The following TMEM63B variants were observed in gnomAD, a reference collection of about 807,000 sequenced individuals.
TMEM63B encodes the protein mechanosensitive cation channel TMEM63B.
A neutral mutation model predicts 102.6 loss-of-function variants in TMEM63B; 23 were observed. The observed-to-expected ratio is 0.22, with a 90% CI of 0.16 to 0.32. The LOEUF (loss-of-function observed/expected upper bound fraction) is 0.32. TMEM63B is among the 10% of genes least tolerant of loss of function. The probability of loss-of-function intolerance (pLI) is 1.00; values close to 1 mark genes in which losing one functional copy is unlikely to be tolerated. For synonymous variants in TMEM63B, 444 were observed against 437.0 expected (o/e 1.02, Z -0.20); for missense variants, 628 against 1,095.9 (o/e 0.57, Z 6.03).
At chr6:44,149,248 A>T in intron 15 of TMEM63B, 1 of 471,048 alleles carries the variant, frequency 2.1e-6, no homozygotes, top group East Asian at 4.1e-5. Flanking sequence ...GAAAAAATGG[A>T]AAGGTTCAAC....
intron 15 of TMEM63B, among the ~76,000 whole-genome samples, chr6:44,149,600 A>G (rs1199863536): frequency 6.6e-6 from 1 of 152,214 alleles, no homozygotes; most frequent in African/African-American, 2.4e-5. Context: ...GTGAGGATTA[A>G]GACATGGCAA....
At chr6:44,144,177 A>T (rs1561813709) in intron 10 of TMEM63B, among the ~76,000 whole-genome samples, 1 of 152,224 alleles carries the variant, frequency 6.6e-6, no homozygotes, top group Non-Finnish European at 1.5e-5. Flanking sequence ...CACCTGCTAT[A>T]TACAAGCTGT....
Position 44,136,370 on chromosome 6 carries a change from G to C in TMEM63B, c.300G>C (p.Gly100=). ...CCAGTGTGGCTTCAGCTATGCACGG[G>C]GACAGCCATGACCGGTATGAGCGTC... ...EQEYVASAMH[G]DSHDRYERLT... is the part of the protein sequence containing the mutation. Residue 100 remains glycine, a synonymous_variant, in exon 5 of 24, where the codon GGG becomes GGC. Transcript: ENST00000323267. 1 of 1,614,094 alleles carries C rather than the reference G, an allele frequency of 6.2e-7. No individual in the cohort carries two copies. The highest frequency in any genetic ancestry group is 8.5e-7 in the Non-Finnish European group (1 of 1,179,996).
rs544505242 is a variant in TMEM63B, at chr6:44,154,940, G to C, written c.*57G>C. On this transcript the variant is annotated 3_prime_UTR_variant, in exon 24 of 24. Transcript: ENST00000323267. Reference sequence around the variant, plus strand: ...GCCCCACCCCACCCCCACTCCCACGGACACTAAAACGCTAATAATTTATTA... The same window carrying C: ...GCCCCACCCCACCCCCACTCCCACGCACACTAAAACGCTAATAATTTATTA... The C allele has an allele frequency of 6.3e-6, 9 of 1,425,126 alleles. No homozygotes were observed. The highest frequency in any genetic ancestry group is 7.5e-6 in the Non-Finnish European group (8 of 1,072,364). The allele number at this position is 1,425,126 out of a possible 1,614,324, so 88.3% of individuals were successfully genotyped here.
At chr6:44,130,792 C>T (rs1778117229) in intron 1 of TMEM63B, among the ~76,000 whole-genome samples, 1 of 149,770 alleles carries the variant, frequency 6.7e-6, no homozygotes, top group African/African-American at 2.5e-5. Context: ...TGCTCTCTTG[C>T]CCAGGCTGGA....
chr6:44,128,345 G>A (rs1777626574), intron 1 of TMEM63B, among the ~76,000 whole-genome samples: 1 of 152,206 alleles, frequency 6.6e-6, no homozygotes, highest in African/African-American at 2.4e-5. Context: ...TTCATGAGCC[G>A]CCCGGGCCTG....
Position 44,140,309 on chromosome 6 carries a change from C to T in TMEM63B, c.660C>T (p.Val220=). Residue 220 remains valine (V), a synonymous_variant, in exon 9 of 24, where the codon GTC becomes GTT. Transcript: ENST00000323267. Reference sequence around the variant, plus strand: ...CCTTCCTGTATCTGCTGCTCACCGTCTACAGCATGCGTAGACACACCTCCA... The same window carrying T: ...CCTTCCTGTATCTGCTGCTCACCGTTTACAGCATGCGTAGACACACCTCCA... ...SFAFLYLLLT[V]YSMRRHTSKM... The T allele has an allele frequency of 6.2e-7, 1 of 1,614,080 alleles. No individual in the cohort carries two copies. The highest frequency in any genetic ancestry group is 8.5e-7 in the Non-Finnish European group (1 of 1,179,984).
Position 44,146,916 on chromosome 6 carries a change from C to G in TMEM63B, c.852C>G (p.Leu284=). Residue 284 remains leucine (L), a synonymous_variant, in exon 11 of 24, where the codon CTC becomes CTG. Coordinates refer to ENST00000323267, the MANE Select transcript of TMEM63B (RefSeq NM_018426.3). Reference sequence around the variant, plus strand: ...ACAACGTGGCTCGCCTAATGTTCCTCGATGCAGAGAGGTAAGGGACTGGGG... The same window carrying G: ...ACAACGTGGCTCGCCTAATGTTCCTGGATGCAGAGAGGTAAGGGACTGGGG... The part of the protein sequence containing the change: ...PCYNVARLMF[L]DAERKKAERG... 1 of 1,613,990 alleles carries G rather than the reference C, an allele frequency of 6.2e-7. No individual in the cohort carries two copies.
Position 44,152,656 on chromosome 6 carries a change from G to C in TMEM63B, c.1900G>C (p.Val634Leu). The change falls in exon 20 of 24, where the codon GTC becomes CTC. Residue 634 changes from valine (V) to leucine (L), a missense_variant. Val to Leu is a conservative substitution (Grantham distance 32). This residue lies in a region of TMEM63B where 90 missense variants were observed against 136.7 expected (regional missense o/e 0.66). Transcript: ENST00000323267. The surrounding 1 kb of genome is among the most constrained non-coding windows in gnomAD (Gnocchi z 6.4). ...CTGGATGATGTGCGTCTTCACGGTG[G>C]TCATGACCTACAGTATCACCTGCCC... Reference protein sequence around the residue: ...YAWMMCVFTVVMTYSITCPII... With the variant: ...YAWMMCVFTVLMTYSITCPII... The C allele has an allele frequency of 6.2e-7, 1 of 1,608,188 alleles. No homozygotes were observed. Among genetic ancestry groups the C allele is most frequent in the Non-Finnish European group, 8.5e-7 (1 of 1,179,992 alleles).
chr6:44,141,391 A>G (rs1764237093), intron 10 of TMEM63B, among the ~76,000 whole-genome samples: 1 of 152,176 alleles, frequency 6.6e-6, no homozygotes, highest in South Asian at 2.1e-4. Flanking sequence ...ACCCAGGTCC[A>G]TTGGAGTACA....
chr6:44,142,503 C>T (rs960481337), intron 10 of TMEM63B, among the ~76,000 whole-genome samples: 7 of 152,066 alleles, frequency 4.6e-5, no homozygotes, highest in African/African-American at 1.7e-4. Flanking sequence ...GCACTTCAGC[C>T]TGAGCGGCAG....
chr6:44,152,730 G>A lies in TMEM63B; in HGVS notation c.1942+32G>A, dbSNP rs765319445. 3.9e-6 allele frequency: 6 copies of A among 1,553,886 alleles called. No individual in the cohort carries two copies. The highest frequency in any genetic ancestry group is 5.3e-6 in the Non-Finnish European group (6 of 1,135,958). ...ACCGCCGCGCCGGGACCTGGGCCCT[G>A]CTCGGGGGGACCCAGGACTTCACCC... On this transcript the variant is annotated intron_variant, in intron 20 of 23. Coordinates refer to ENST00000323267, the MANE Select transcript of TMEM63B (RefSeq NM_018426.3). The surrounding 1 kb of genome is among the most constrained non-coding windows in gnomAD (Gnocchi z 6.4).
chr6:44,136,373 C>G lies in TMEM63B; in HGVS notation c.303C>G (p.Asp101Glu). 2 of 1,614,138 alleles carry G rather than the reference C, an allele frequency of 1.2e-6. No individual in the cohort carries two copies. Among genetic ancestry groups the G allele is most frequent in the Non-Finnish European group, 1.7e-6 (2 of 1,180,020 alleles). Residue 101 changes from aspartate (D) to glutamate (E), a missense_variant, in exon 5 of 24, where the codon GAC (aspartate) becomes GAG (glutamate). By Grantham distance (45) the Asp-to-Glu change is conservative (BLOSUM62 2). Transcript: ENST00000323267. The part of the protein sequence containing the change: ...QEYVASAMHG[D>E]SHDRYERLTS... The stretch of plus-strand genomic sequence containing the variant: ...GTGTGGCTTCAGCTATGCACGGGGA[C>G]AGCCATGACCGGTATGAGCGTCTCA...
intron 10 of TMEM63B, among the ~76,000 whole-genome samples, chr6:44,143,796 A>C (rs888676443): frequency 6.6e-6 from 1 of 152,128 alleles, no homozygotes; most frequent in East Asian, 1.9e-4. Flanking sequence ...AGGCAGGGTA[A>C]GAGGGGTTGG....
intron 10 of TMEM63B, 138 bp downstream of exon 10, chr6:44,141,236 C>A: frequency 2.3e-6 from 2 of 885,264 alleles, no homozygotes; most frequent in South Asian, 1.9e-5. Context: ...GAAGAAATGT[C>A]CGATTCCAGG....
At chr6:44,138,936 G>A (rs1029472818) in intron 6 of TMEM63B, 3 of 266,826 alleles carry the variant, frequency 1.1e-5, no homozygotes, top group Non-Finnish European at 2.2e-5. Context: ...GGACAGGTCA[G>A]CACTGCCGCC....
rs1177933997 is a variant in TMEM63B at position 44,153,858 on chromosome 6, C to T, written c.2110+15C>T. Reference sequence around the variant, plus strand: ...CATGCGCACGGGTGAGGGATCCCTACCCAGGGAACGGGGGGTGGCGAGCAG... The same window carrying T: ...CATGCGCACGGGTGAGGGATCCCTATCCAGGGAACGGGGGGTGGCGAGCAG... On this transcript the variant is annotated intron_variant, in intron 21 of 23. Transcript: ENST00000323267. The T allele has an allele frequency of 4.3e-6, 7 of 1,609,710 alleles. No individual in the cohort carries two copies. The African/African-American group carries it at 9.3e-5, about 21-fold the overall frequency.
intron 10 of TMEM63B, among the ~76,000 whole-genome samples, chr6:44,144,398 C>T (rs1010994605): frequency 3.9e-5 from 6 of 152,152 alleles, no homozygotes; most frequent in Admixed American, 2.6e-4. Flanking sequence ...AGAGCTCACC[C>T]TTCCAAAGGG....
chr6:44,140,470 G>GT, intron 9 of TMEM63B, 110 bp downstream of exon 9: 1 of 846,444 alleles, frequency 1.2e-6, no homozygotes, highest in Non-Finnish European at 1.9e-6. Flanking sequence ...TTTGAATGCT[G>GT]GCACAGCAGC....
Sources: allele counts gnomAD v4.1 joint callset (sites outside exome capture counted in the v4.1 genomes callset), GRCh38; gene constraint gnomAD v4.1.1; regional missense constraint gnomAD v4.1.1; non-coding constraint Gnocchi (gnomAD v3.1); transcripts MANE v1.5; gene names NCBI Gene and HGNC (gene_info 2026-07-23, HGNC 2026-07-21).